The following DAP variants were observed in gnomAD, a reference collection of about 807,000 sequenced individuals.
The protein encoded by DAP is death-associated protein 1.
A neutral mutation model predicts 13.8 loss-of-function variants in DAP; 8 were observed. That is an observed-to-expected ratio of 0.58 (90% CI 0.34 to 1.05). DAP has a LOEUF of 1.05. DAP is among the 50% of genes least tolerant of loss of function. The pLI is 0.03. For missense variants in DAP, 106 were observed against 133.2 expected (o/e 0.80, Z 1.01); for synonymous variants, 47 against 47.5 (o/e 0.99, Z 0.04).
Position 10,735,088 on chromosome 5 carries a change from A to G in DAP, c.152+13087T>C, listed in dbSNP as rs138737358. Among the ~76,000 whole-genome samples, 521 of 152,318 alleles carry G rather than the reference A, an allele frequency of 3.4e-3. 4 individuals are homozygous for G. Among genetic ancestry groups the G allele is most frequent in the African/African-American group, 0.012 (507 of 41,570 alleles). ...GTTCAATTCTCTAGTATCATCCTCA[A>G]TATATCCCAAGTGCCTCAAACTGTG... On this transcript the variant is annotated intron_variant, in intron 2 of 3. Coordinates refer to ENST00000230895, the MANE Select transcript of DAP (RefSeq NM_004394.3).
chr5:10,700,310 A>G (rs1282850359), intron 2 of DAP, among the ~76,000 whole-genome samples: 2 of 152,182 alleles, frequency 1.3e-5, no homozygotes, highest in African/African-American at 4.8e-5. Flanking sequence ...AGAAAGTGCA[A>G]GAACAACACA....
At chr5:10,758,252 C>G (rs1740244104) in intron 1 of DAP, among the ~76,000 whole-genome samples, 1 of 150,670 alleles carries the variant, frequency 6.6e-6, no homozygotes, top group Non-Finnish European at 1.5e-5. Context: ...GAGCTGCCTA[C>G]TCTCTGGCAA....
rs529968285 is a variant in DAP, at chr5:10,682,449, G to A, written c.195+1080C>T. Among the ~76,000 whole-genome samples, 83 of 151,306 alleles carry A rather than the reference G, an allele frequency of 5.5e-4. 1 individual carries two copies. Among genetic ancestry groups the A allele is most frequent in the African/African-American group, 1.9e-3 (78 of 41,138 alleles). ...CGTCCCTGCAGGAAGCATGGCAGTT[G>A]TATGTGAGGAAGCCCCAGGCCAGCA... On this transcript the variant is annotated intron_variant, in intron 3 of 3. Coordinates refer to ENST00000230895, the MANE Select transcript of DAP (RefSeq NM_004394.3).
chr5:10,733,155 C>CGTGTGTGTGTGTGTGTGT (rs55645932), intron 2 of DAP, among the ~76,000 whole-genome samples: 1 of 128,386 alleles, frequency 7.8e-6, no homozygotes, highest in Admixed American at 8.1e-5. Flanking sequence ...AATATTCCTG[C>CGTGTGTGTGTGTGTGTGT]GTGTGTGTGT....
chr5:10,735,706 C>CCCA lies in DAP; in HGVS notation c.152+12468_152+12469insTGG, dbSNP rs1464538326. Among the ~76,000 whole-genome samples the CCCA allele has an allele frequency of 3.7e-3, 567 of 152,306 alleles. 2 individuals carry two copies. The highest frequency in any genetic ancestry group is 0.013 in the African/African-American group (552 of 41,560). On this transcript the variant is annotated intron_variant, in intron 2 of 3. Coordinates refer to ENST00000230895, the MANE Select transcript of DAP (RefSeq NM_004394.3). ...GTCAGGAAAATGGGCTGCTGCAGTG[C>CCCA]TCAGCCTGAGCAACAGTAAACACTG...
At position 10,694,409 on chromosome 5, in the gene DAP, C is replaced by T. The variant is rs138682964; in HGVS notation, c.153-10838G>A. 6.8e-3 allele frequency among the ~76,000 whole-genome samples: 1,029 copies of T among 152,052 alleles called. 11 individuals carry two copies. Among genetic ancestry groups the T allele is most frequent in the Non-Finnish European group, 7.4e-3 (500 of 67,996 alleles). On this transcript the variant is annotated intron_variant, in intron 2 of 3. Transcript: ENST00000230895. ...GCATACACACACACACACACACACA[C>T]GCACATACACACAGCAGAAAGCAAC...
chr5:10,737,772 A>C (rs1739653461), intron 2 of DAP, among the ~76,000 whole-genome samples: 1 of 152,204 alleles, frequency 6.6e-6, no homozygotes, highest in African/African-American at 2.4e-5. Context: ...TGTGTCCTCC[A>C]AAAAAGGCAT....
chr5:10,714,474 T>C (rs1738931180), intron 2 of DAP, among the ~76,000 whole-genome samples: 1 of 152,208 alleles, frequency 6.6e-6, no homozygotes, highest in Non-Finnish European at 1.5e-5. Context: ...AAAATTACAA[T>C]TTAAAGTAAT....
At chr5:10,750,839 G>T (rs148044286) in intron 1 of DAP, among the ~76,000 whole-genome samples, 2 of 152,148 alleles carry the variant, frequency 1.3e-5, no homozygotes, top group African/African-American at 4.8e-5. Flanking sequence ...GATCTCATGG[G>T]GCCTGTGATG....
intron 2 of DAP, among the ~76,000 whole-genome samples, chr5:10,744,739 T>C (rs1009296554): frequency 2.6e-5 from 4 of 152,202 alleles, no homozygotes; most frequent in Non-Finnish European, 5.9e-5. Flanking sequence ...GACACAGTAA[T>C]ACCAACTTAT....
chr5:10,700,601 C>T (rs1561012163), intron 2 of DAP, among the ~76,000 whole-genome samples: 1 of 152,186 alleles, frequency 6.6e-6, no homozygotes, highest in Non-Finnish European at 1.5e-5. Flanking sequence ...TGGTAGTCAG[C>T]GTGCATGGAT....
At chr5:10,755,871 G>C (rs1740170699) in intron 1 of DAP, among the ~76,000 whole-genome samples, 1 of 152,226 alleles carries the variant, frequency 6.6e-6, no homozygotes, top group Admixed American at 6.5e-5. Context: ...GGGAAGGCTG[G>C]GTGCGGTGGC....
chr5:10,695,260 C>T (rs190495169), intron 2 of DAP, among the ~76,000 whole-genome samples: 10 of 152,326 alleles, frequency 6.6e-5, no homozygotes, highest in Admixed American at 2.0e-4. Flanking sequence ...TCTCAGCCCG[C>T]GAACGCTCCG....
Position 10,748,166 on chromosome 5 carries a change from T to C in DAP, c.152+9A>G. Reference sequence around the variant, plus strand: ...AAAACATGCTCAAGAGTCGCTAGCATCATCCCACCTGGGGCTTTCCCATTC... The same window carrying C: ...AAAACATGCTCAAGAGTCGCTAGCACCATCCCACCTGGGGCTTTCCCATTC... On this transcript the variant is annotated intron_variant, in intron 2 of 3. Coordinates refer to ENST00000230895, the MANE Select transcript of DAP (RefSeq NM_004394.3). 6.3e-7 allele frequency: 1 copy of C among 1,591,894 alleles called. No homozygotes were observed. Among genetic ancestry groups the C allele is most frequent in the Non-Finnish European group, 8.6e-7 (1 of 1,159,716 alleles).
intron 2 of DAP, among the ~76,000 whole-genome samples, chr5:10,697,187 T>C (rs1361034623): frequency 6.6e-6 from 1 of 152,218 alleles, no homozygotes; most frequent in Non-Finnish European, 1.5e-5. Context: ...AGATCAGGCA[T>C]TGGACATAGT....
intron 2 of DAP, among the ~76,000 whole-genome samples, chr5:10,694,050 G>A (rs916387005): frequency 1.1e-4 from 17 of 152,224 alleles, no homozygotes; most frequent in African/African-American, 3.6e-4. Context: ...GAAGCGCAAG[G>A]GCTGTGCTCT....
chr5:10,723,505 G>T (rs774175997), intron 2 of DAP, among the ~76,000 whole-genome samples: 1 of 152,206 alleles, frequency 6.6e-6, no homozygotes, highest in Admixed American at 6.5e-5. Flanking sequence ...AACTACTCTC[G>T]TGAAGCTCAT....
At chr5:10,698,498 T>A (rs1738487248) in intron 2 of DAP, among the ~76,000 whole-genome samples, 1 of 152,040 alleles carries the variant, frequency 6.6e-6, no homozygotes. Flanking sequence ...TAGACCAGCA[T>A]CAAAGGCCCC....
chr5:10,701,328 G>A lies in DAP; in HGVS notation c.153-17757C>T, dbSNP rs183785775. 5.3e-5 allele frequency among the ~76,000 whole-genome samples: 8 copies of A among 152,310 alleles called. No homozygotes were observed. The East Asian group carries it at 5.8e-4, about 11-fold the overall frequency. ...AGAAGTCAGCTGTATCATGGAGAAC[G>A]CAAGTCAAAGAGGAGTTCTTTTCAA... On this transcript the variant is annotated intron_variant, in intron 2 of 3. Transcript: ENST00000230895.
Sources: gnomAD v4.1 joint callset for allele counts (sites outside exome capture counted in the v4.1 genomes callset) on GRCh38, gnomAD v4.1.1 for gene constraint, MANE v1.5 for transcripts, NCBI Gene and HGNC (gene_info 2026-07-23, HGNC 2026-07-21) for gene names.